Variants in CCDC126 observed in about 807,000 individuals in gnomAD.
The protein encoded by CCDC126 is coiled-coil domain containing 126.
A neutral mutation model predicts 11.7 loss-of-function variants in CCDC126; 5 were observed. The ratio of observed to expected loss-of-function variants is 0.43; its 90% confidence interval spans 0.22 to 0.90. The LOEUF (loss-of-function observed/expected upper bound fraction) is 0.90. Among genes scored for constraint, CCDC126 ranks in the 40% least tolerant of loss-of-function variants. CCDC126 has a pLI of 0.27. For synonymous variants in CCDC126, 60 were observed against 61.9 expected (o/e 0.97, Z 0.14); for missense variants, 150 against 163.1 (o/e 0.92, Z 0.44).
intron 3 of CCDC126, among the ~76,000 whole-genome samples, chr7:23,636,760 G>A (rs1783228353): frequency 7.4e-6 from 1 of 135,476 alleles, no homozygotes; most frequent in African/African-American, 2.9e-5. Flanking sequence ...ACCCCGTCCG[G>A]GAGGGAGGTG....
chr7:23,611,615 A>C, intron 3 of CCDC126, 62 bp downstream of exon 3: 1 of 1,196,266 alleles, frequency 8.4e-7, no homozygotes, highest in Non-Finnish European at 1.2e-6. Context: ...GGTTTTGGAA[A>C]TTGAACTTAT....
chr7:23,637,641 G>A (rs868442117), intron 3 of CCDC126, among the ~76,000 whole-genome samples: 2 of 3,540 alleles, frequency 5.6e-4, no homozygotes, highest in Non-Finnish European at 1.3e-3. Context: ...CAGCCGCCCC[G>A]TCCGGGAGGG....
chr7:23,622,117 C>T (rs1026985079), intron 3 of CCDC126, among the ~76,000 whole-genome samples: 3 of 152,168 alleles, frequency 2.0e-5, no homozygotes, highest in Non-Finnish European at 2.9e-5. Flanking sequence ...GGGAGGATTC[C>T]CCCTTTTTCA....
chr7:23,619,917 T>C (rs1584203699), intron 3 of CCDC126, among the ~76,000 whole-genome samples: 1 of 152,072 alleles, frequency 6.6e-6, no homozygotes, highest in African/African-American at 2.4e-5. Context: ...GAACTCATCC[T>C]TTTTTATGGC....
At chr7:23,625,239 G>A (rs1182391288) in intron 3 of CCDC126, among the ~76,000 whole-genome samples, 3 of 152,226 alleles carry the variant, frequency 2.0e-5, no homozygotes, top group Non-Finnish European at 2.9e-5. Context: ...GTGCTGTGGT[G>A]TATTTGTGTG....
rs938244119 is a variant in CCDC126 at position 23,597,453 on chromosome 7, C to G, written c.-383C>G. ...CCACAAGCTGGGAACAAACCTCGTC[C>G]CAACTCCCACCCACCGGCGTTTCTC... On this transcript the variant is annotated 5_prime_UTR_variant, in exon 1 of 4. Coordinates refer to ENST00000307471, the MANE Select transcript of CCDC126 (RefSeq NM_138771.4). 6.6e-6 allele frequency: 1 copy of G among 152,262 alleles called. No individual in the cohort carries two copies. 9.4% of individuals were successfully genotyped at this position (152,262 alleles called of 1,614,324 possible).
chr7:23,636,624 G>A (rs1487717673), intron 3 of CCDC126, among the ~76,000 whole-genome samples: 1 of 134,660 alleles, frequency 7.4e-6, no homozygotes, highest in Non-Finnish European at 1.6e-5. Flanking sequence ...TCTCTGCCTG[G>A]CAACCGCCCC....
intron 2 of CCDC126, among the ~76,000 whole-genome samples, chr7:23,604,506 T>C (rs1584192901): frequency 6.6e-6 from 1 of 152,152 alleles, no homozygotes; most frequent in East Asian, 1.9e-4. Context: ...GTTACTCAGA[T>C]TACCAAGAAT....
intron 2 of CCDC126, among the ~76,000 whole-genome samples, chr7:23,600,043 C>A (rs1479761673): frequency 1.3e-5 from 2 of 152,190 alleles, no homozygotes; most frequent in African/African-American, 2.4e-5. Context: ...CTTCAGCCTC[C>A]CAAGGTGCTG....
intron 3 of CCDC126, among the ~76,000 whole-genome samples, chr7:23,626,774 T>C (rs996236356): frequency 6.6e-6 from 1 of 152,260 alleles, no homozygotes; most frequent in African/African-American, 2.4e-5. Flanking sequence ...TTTCTGTTTC[T>C]GCATTAGCTA....
At chr7:23,622,050 G>C (rs1020216523) in intron 3 of CCDC126, among the ~76,000 whole-genome samples, 1 of 152,030 alleles carries the variant, frequency 6.6e-6, no homozygotes, top group East Asian at 1.9e-4. Flanking sequence ...CTCTTTTTTT[G>C]TTGTGTCTCT....
intron 2 of CCDC126, among the ~76,000 whole-genome samples, chr7:23,601,113 G>C (rs1782533624): frequency 6.6e-6 from 1 of 151,920 alleles, no homozygotes; most frequent in Non-Finnish European, 1.5e-5. Flanking sequence ...GCTGGACTCA[G>C]TGGCTCATGC....
At chr7:23,601,114 T>C (rs1446418387) in intron 2 of CCDC126, among the ~76,000 whole-genome samples, 3 of 151,590 alleles carry the variant, frequency 2.0e-5, no homozygotes, top group Non-Finnish European at 1.5e-5. Flanking sequence ...CTGGACTCAG[T>C]GGCTCATGCC....
At chr7:23,604,867 G>C (rs1416814197) in intron 2 of CCDC126, among the ~76,000 whole-genome samples, 2 of 151,842 alleles carry the variant, frequency 1.3e-5, no homozygotes, top group African/African-American at 4.8e-5. Flanking sequence ...GTGTGGTGGC[G>C]GGCGCCTGTA....
At chr7:23,640,407 G>A (rs1002186648) in intron 3 of CCDC126, among the ~76,000 whole-genome samples, 1 of 151,604 alleles carries the variant, frequency 6.6e-6, no homozygotes, top group Admixed American at 6.6e-5. Flanking sequence ...TGACGCAGGC[G>A]AATCACTTGT....
intron 3 of CCDC126, among the ~76,000 whole-genome samples, chr7:23,633,028 T>C (rs1366749517): frequency 6.6e-6 from 1 of 152,190 alleles, no homozygotes. Flanking sequence ...GTTTCGCTCT[T>C]GTTGCCCAGG....
Position 23,610,704 on chromosome 7 carries a change from G to A in CCDC126, c.-145-467G>A, listed in dbSNP as rs140838483. ...ACATTTTCAAATGTTGGCACACTCT[G>A]TTTATATTGTGGGAATTCTTTTTAG... is the stretch of plus-strand genomic sequence containing the variant. On this transcript the variant is annotated intron_variant, in intron 2 of 3. Coordinates refer to ENST00000307471, the MANE Select transcript of CCDC126 (RefSeq NM_138771.4). Among the ~76,000 whole-genome samples the A allele has an allele frequency of 1.4e-4, 22 of 151,990 alleles. No homozygotes were observed. The East Asian group carries it at 4.2e-3, about 29-fold the overall frequency.
chr7:23,605,634 T>C (rs1045896192), intron 2 of CCDC126, among the ~76,000 whole-genome samples: 1 of 152,174 alleles, frequency 6.6e-6, no homozygotes, highest in African/African-American at 2.4e-5. Context: ...TGGTAGCATG[T>C]ATCAGAACAT....
intron 3 of CCDC126, among the ~76,000 whole-genome samples, chr7:23,620,234 C>G (rs1446581086): frequency 6.6e-6 from 1 of 152,202 alleles, no homozygotes; most frequent in East Asian, 1.9e-4. Context: ...CACATCCTCT[C>G]CAGCACCTGT....
Sources: allele counts gnomAD v4.1 joint callset (sites outside exome capture counted in the v4.1 genomes callset), GRCh38; gene constraint gnomAD v4.1.1; transcripts MANE v1.5; gene names NCBI Gene and HGNC (gene_info 2026-07-23, HGNC 2026-07-21).